The following CDK15 variants were observed in gnomAD, a reference collection of about 807,000 sequenced individuals.
CDK15 encodes cyclin dependent kinase 15, also known as cyclin-dependent kinase 15.
CDK15 carries 62 observed loss-of-function variants against 60.3 expected under a neutral mutation model. The observed-to-expected ratio is 1.03, with a 90% confidence interval of 0.84 to 1.27. The LOEUF (loss-of-function observed/expected upper bound fraction) is 1.27, where lower values mean the gene tolerates loss of function less well. Among genes scored for constraint, CDK15 ranks in the 50% most tolerant of loss-of-function variants. The probability of loss-of-function intolerance (pLI) is 0.00; values close to 1 mark genes in which losing one functional copy is unlikely to be tolerated. For missense variants in CDK15, 541 were observed against 527.8 expected, an observed-to-expected ratio of 1.03 and a Z score of -0.25; for synonymous variants, 194 against 195.7, an observed-to-expected ratio of 0.99 and a Z score of 0.07.
intron 9 of CDK15, among the ~76,000 whole-genome samples, chr2:201,853,067 G>A (rs1043490877): frequency 5.3e-5 from 8 of 152,176 alleles, no homozygotes; most frequent in Non-Finnish European, 1.5e-5. Flanking sequence ...ATGGGTACAT[G>A]TGACTCACAC....
chr2:201,847,568 T>C, intron 9 of CDK15, 94 bp downstream of exon 9: 1 of 991,926 alleles, frequency 1.0e-6, no homozygotes, highest in South Asian at 1.4e-5. Flanking sequence ...GTCCATCTGC[T>C]CTGAGATATT....
intron 6 of CDK15, among the ~76,000 whole-genome samples, chr2:201,832,262 T>C (rs571965073): frequency 6.6e-6 from 1 of 152,306 alleles, no homozygotes; most frequent in South Asian, 2.1e-4. Context: ...GCCAGGCTGG[T>C]CTCGAACTCC....
chr2:201,819,074 G>A (rs1696111796), intron 4 of CDK15, among the ~76,000 whole-genome samples: 1 of 152,140 alleles, frequency 6.6e-6, no homozygotes, highest in South Asian at 2.1e-4. Context: ...AGATGGTGGT[G>A]ACAGGCACTA....
chr2:201,834,300 T>C (rs1696911421), intron 7 of CDK15, among the ~76,000 whole-genome samples: 1 of 152,156 alleles, frequency 6.6e-6, no homozygotes. Context: ...ACAAATTATA[T>C]TGGAATAGAT....
At chr2:201,851,291 CAAAAAAAAAAA>C (rs1176883047) in intron 9 of CDK15, among the ~76,000 whole-genome samples, 2 of 27,752 alleles carry the variant, frequency 7.2e-5, no homozygotes, top group African/African-American at 3.6e-4. Flanking sequence ...GACTTCATCT[CAAAAAAAAAAA>C]AAAAAAAAAA....
intron 11 of CDK15, among the ~76,000 whole-genome samples, chr2:201,876,788 C>T (rs575524307): frequency 6.6e-6 from 1 of 152,148 alleles, no homozygotes; most frequent in South Asian, 2.1e-4. Context: ...AAAACAAAAA[C>T]AAAAACCTGT....
At chr2:201,860,905 G>C in intron 10 of CDK15, 1 of 1,343,644 alleles carries the variant, frequency 7.4e-7, no homozygotes, top group South Asian at 1.2e-5. Flanking sequence ...AATGATCCTT[G>C]TCCCCACTGG....
At chr2:201,880,220 G>A (rs1699228041) in intron 12 of CDK15, 53 bp downstream of exon 12, 1 of 1,597,904 alleles carries the variant, frequency 6.3e-7, no homozygotes, top group South Asian at 1.1e-5. Flanking sequence ...GAGTGCGTGT[G>A]TGTGTAAGTC....
At chr2:201,836,203 A>T (rs1397780087) in intron 8 of CDK15, among the ~76,000 whole-genome samples, 1 of 129,910 alleles carries the variant, frequency 7.7e-6, no homozygotes, top group East Asian at 2.1e-4. Flanking sequence ...ATATATATAT[A>T]TATGTATTTT....
At chr2:201,860,854 T>C in intron 10 of CDK15, 1 of 1,352,084 alleles carries the variant, frequency 7.4e-7, no homozygotes, top group Non-Finnish European at 9.8e-7. Context: ...GTGTGAGAGC[T>C]TCACTGCGTC....
intron 12 of CDK15, among the ~76,000 whole-genome samples, chr2:201,886,433 C>T (rs1390142143): frequency 6.6e-6 from 1 of 151,552 alleles, no homozygotes; most frequent in Admixed American, 6.6e-5. Context: ...TCAAGAAATT[C>T]TCCCGCCTCA....
intron 10 of CDK15, among the ~76,000 whole-genome samples, chr2:201,855,347 T>A (rs1441348912): frequency 6.6e-6 from 1 of 152,226 alleles, no homozygotes; most frequent in Non-Finnish European, 1.5e-5. Context: ...AGGTAGAGGC[T>A]CGCTAGGCCT....
intron 6 of CDK15, among the ~76,000 whole-genome samples, chr2:201,829,221 C>T (rs1200807861): frequency 6.6e-6 from 1 of 152,106 alleles, no homozygotes; most frequent in Non-Finnish European, 1.5e-5. Flanking sequence ...CCTGACCCTA[C>T]TTTCTCCTTG....
chr2:201,880,037 G>T lies in CDK15; in HGVS notation c.1068G>T (p.Arg356Ser), dbSNP rs762488718. Residue 356 changes from arginine (R) to serine (S), a missense_variant, in exon 12 of 14, where the codon AGG (arginine) becomes AGT (serine). By Grantham distance (110) the Arg-to-Ser change is moderately radical (BLOSUM62 -1). Transcript: ENST00000652192. ...SLHVVWNRLG[R>S]VPEAEDLASQ... ...TCTCCCACTTTTCCAGGCTGGGCAGGGTTCCTGAAGCTGAAGACCTGGCCT... is the reference window on the plus strand; with the variant it reads ...TCTCCCACTTTTCCAGGCTGGGCAGTGTTCCTGAAGCTGAAGACCTGGCCT... 3.7e-6 allele frequency: 6 copies of T among 1,613,964 alleles called. No homozygotes were observed. The African/African-American group carries it at 4.0e-5, about 11-fold the overall frequency.
At chr2:201,841,849 A>G (rs1222940520) in intron 8 of CDK15, among the ~76,000 whole-genome samples, 1 of 152,132 alleles carries the variant, frequency 6.6e-6, no homozygotes, top group Non-Finnish European at 1.5e-5. Flanking sequence ...ACATTCTCTC[A>G]TCTTCTGACG....
intron 11 of CDK15, among the ~76,000 whole-genome samples, chr2:201,873,714 C>T (rs1367968475): frequency 6.6e-6 from 1 of 152,194 alleles, no homozygotes; most frequent in African/African-American, 2.4e-5. Flanking sequence ...ATGTATTCAC[C>T]TTTTCTCAGA....
intron 3 of CDK15, among the ~76,000 whole-genome samples, chr2:201,811,488 C>T (rs1436686713): frequency 6.6e-6 from 1 of 152,072 alleles, no homozygotes; most frequent in African/African-American, 2.4e-5. Context: ...TCGGATTGTA[C>T]AAGAATGAAC....
At chr2:201,836,362 A>G (rs1306135377) in intron 8 of CDK15, among the ~76,000 whole-genome samples, 1 of 150,864 alleles carries the variant, frequency 6.6e-6, no homozygotes, top group Non-Finnish European at 1.5e-5. Flanking sequence ...TAATATTTGT[A>G]GAAGATTCTT....
rs930619993 is a variant in CDK15 at position 201,894,844 on chromosome 2, A to C, written c.*1577A>C. The C allele has an allele frequency of 2.0e-5, 3 of 152,190 alleles. No individual in the cohort carries two copies. Among genetic ancestry groups the C allele is most frequent in the Non-Finnish European group, 4.4e-5 (3 of 68,038 alleles). 9.4% of individuals were successfully genotyped at this position (152,190 alleles called of 1,614,324 possible). A position where few individuals can be genotyped will look rare whatever the true frequency, so the allele number is the denominator to read the frequency against. Reference sequence around the variant, plus strand: ...AGTATTGGATCATGATTCAAAAGACACCTTGCTAGAAGCCAATGAACAGCA... The same window carrying C: ...AGTATTGGATCATGATTCAAAAGACCCCTTGCTAGAAGCCAATGAACAGCA... On this transcript the variant is annotated 3_prime_UTR_variant, in exon 14 of 14. Transcript: ENST00000652192.
Sources: allele counts gnomAD v4.1 joint callset (sites outside exome capture counted in the v4.1 genomes callset), GRCh38; gene constraint gnomAD v4.1.1; transcripts MANE v1.5; gene names NCBI Gene and HGNC (gene_info 2026-07-23, HGNC 2026-07-21).